CDH23: variants seen among roughly 807,000 people sequenced by gnomAD.
CDH23 encodes the protein cadherin related 23.
Under a neutral mutation model 317.1 loss-of-function variants are expected in CDH23, and 189 were observed. That is an observed-to-expected ratio of 0.60 (90% CI 0.53 to 0.67). The LOEUF (loss-of-function observed/expected upper bound fraction) is 0.67. Ranked by LOEUF, CDH23 falls within the 30% of genes least tolerant of loss-of-function variation. The pLI, the probability that CDH23 is intolerant of heterozygous loss-of-function variation, is 0.00. For synonymous variants in CDH23, 1,839 were observed against 1,876.8 expected (o/e 0.98, Z 0.52); for missense variants, 4,401 against 4,592.4 (o/e 0.96, Z 1.20).
At chr10:71,786,705 C>T (rs572711735) in intron 44 of CDH23, among the ~76,000 whole-genome samples, 2 of 152,106 alleles carry the variant, frequency 1.3e-5, no homozygotes, top group East Asian at 1.9e-4. Context: ...ACCATGTTGG[C>T]GAGGCTTGTC....
chr10:71,427,195 G>GAGAAAGA, intron 1 of CDH23, among the ~76,000 whole-genome samples: 1 of 98,934 alleles, frequency 1.0e-5, no homozygotes, highest in Admixed American at 1.2e-4. Context: ...AGGAAGGAAA[G>GAGAAAGA]AGAAAGAAAG....
At chr10:71,792,820 T>TAAAA (rs1158593304) in intron 47 of CDH23, among the ~76,000 whole-genome samples, 20 of 47,902 alleles carry the variant, frequency 4.2e-4, no homozygotes, top group East Asian at 7.6e-4. Context: ...AGACTCCATC[T>TAAAA]AAAAAAAAAA....
chr10:71,417,776 A>G (rs1166935327), intron 1 of CDH23, among the ~76,000 whole-genome samples: 1 of 152,130 alleles, frequency 6.6e-6, no homozygotes, highest in African/African-American at 2.4e-5. Context: ...TGCCTGGCTA[A>G]TTTTTGTATG....
chr10:71,569,091 G>A (rs1021748784), intron 7 of CDH23, among the ~76,000 whole-genome samples: 1 of 152,190 alleles, frequency 6.6e-6, no homozygotes, highest in Non-Finnish European at 1.5e-5. Flanking sequence ...TCCCTAGCTG[G>A]GAGCTCTCCC....
intron 9 of CDH23, among the ~76,000 whole-genome samples, chr10:71,607,795 A>G (rs1860620682): frequency 6.6e-6 from 1 of 152,160 alleles, no homozygotes; most frequent in African/African-American, 2.4e-5. Flanking sequence ...CCCAGCTACT[A>G]GGGAGGCTGA....
intron 38 of CDH23, among the ~76,000 whole-genome samples, chr10:71,758,814 C>T (rs1840214732): frequency 6.6e-6 from 1 of 152,172 alleles, no homozygotes; most frequent in Non-Finnish European, 1.5e-5. Flanking sequence ...ATCAATTGAG[C>T]CCAGGAGTTC....
rs1388159172 is a variant in CDH23 at position 71,459,750 on chromosome 10, C to A, written c.145+13355C>A. Among the ~76,000 whole-genome samples, 5 of 152,194 alleles carry A rather than the reference C, an allele frequency of 3.3e-5. No homozygotes were observed. The East Asian group carries it at 9.6e-4, about 29-fold the overall frequency. On this transcript the variant is annotated intron_variant, in intron 3 of 69. Transcript: ENST00000224721. ...TCTACCTCTCAGCAGGCAGTGAGCACCACCTGCTACTAGCAGGCTGACTGC... is the reference window on the plus strand; with the variant it reads ...TCTACCTCTCAGCAGGCAGTGAGCAACACCTGCTACTAGCAGGCTGACTGC...
At chr10:71,777,376 A>T (rs554061766) in intron 38 of CDH23, among the ~76,000 whole-genome samples, 41 of 152,326 alleles carry the variant, frequency 2.7e-4, no homozygotes, top group African/African-American at 9.1e-4. Context: ...TGTGCTAACA[A>T]GGATCCCAAG....
In CDH23 at chr10:71,734,272, T is replaced by A. The variant is rs1276222917; in HGVS notation, c.4137T>A (p.Arg1379=). The A allele has an allele frequency of 1.9e-6, 3 of 1,612,158 alleles. No individual in the cohort carries two copies. The highest frequency in any genetic ancestry group is 2.5e-6 in the Non-Finnish European group (3 of 1,179,240). ...TCACAGTCCAGGGCCTGGTGGACCG[T>A]GAGAAGGGCGACTTCTATACCTTGA... The part of the protein sequence containing the change: ...GVITVQGLVD[R]EKGDFYTLTV... The change falls in exon 33 of 70, where the codon CGT becomes CGA. Residue 1379 remains arginine (R), a synonymous_variant. Transcript: ENST00000224721.
chr10:71,701,922 C>T (rs1865601798), intron 22 of CDH23, 100 bp from the exon 23 acceptor site: 2 of 1,290,334 alleles, frequency 1.5e-6, no homozygotes, highest in South Asian at 1.3e-5. Context: ...CAGGATGTCC[C>T]CTCCCCAGGA....
intron 3 of CDH23, 196 bp from the exon 4 acceptor site, chr10:71,509,886 A>G: frequency 1.7e-6 from 1 of 605,178 alleles, no homozygotes; most frequent in South Asian, 1.9e-5. Context: ...ACACACTGTG[A>G]CAAGTGGACC....
chr10:71,722,655 T>C (rs1195443614), intron 28 of CDH23, among the ~76,000 whole-genome samples: 2 of 151,992 alleles, frequency 1.3e-5, no homozygotes, highest in Non-Finnish European at 2.9e-5. Flanking sequence ...GCCAGGACAT[T>C]GGAGTGGGGG....
In CDH23 at chr10:71,439,881, T is replaced by A; in HGVS notation, c.50T>A (p.Leu17Gln). Reference protein sequence around the residue: ...TSCHVAWLLVLISGCWGQVNR... With the variant: ...TSCHVAWLLVQISGCWGQVNR... ...TGCCACGTGGCCTGGCTTTTGGTGC[T>A]GATCTCTGGATGCTGGGGTAAGTCC... Residue 17 changes from leucine to glutamine, a missense_variant, in exon 2 of 70, where the codon CTG (leucine) becomes CAG (glutamine). This residue lies in a region of CDH23 where 3,068 missense variants were observed against 3,203.3 expected (regional missense o/e 0.96). Coordinates refer to ENST00000224721, the MANE Select transcript of CDH23 (RefSeq NM_022124.6). 6.3e-7 allele frequency: 1 copy of A among 1,575,552 alleles called. No homozygotes were observed. The highest frequency in any genetic ancestry group is 8.6e-7 in the Non-Finnish European group (1 of 1,159,422).
rs778251205 is a variant in CDH23, at chr10:71,617,296, C to T, written c.1037C>T (p.Pro346Leu). Residue 346 changes from proline (P) to leucine (L), a missense_variant, in exon 11 of 70, where the codon CCG (proline) becomes CTG (leucine). Physicochemically the swap from Pro to Leu is moderately conservative, Grantham distance 98. This residue lies in a region of CDH23 where 3,068 missense variants were observed against 3,203.3 expected (regional missense o/e 0.96). Transcript: ENST00000224721. Reference sequence around the variant, plus strand: ...GTTATTGACATCAATGACAATGCCCCGGAGTTCAACAGCTCCGAGTACAGC... The same window carrying T: ...GTTATTGACATCAATGACAATGCCCTGGAGTTCAACAGCTCCGAGTACAGC... The part of the protein sequence containing the change: ...ILVIDINDNA[P>L]EFNSSEYSVA... The T allele has an allele frequency of 1.4e-5, 22 of 1,613,866 alleles. No homozygotes were observed. Among genetic ancestry groups the T allele is most frequent in the African/African-American group, 4.0e-5 (3 of 74,908 alleles).
chr10:71,782,236 C>A (rs912723591), intron 41 of CDH23, among the ~76,000 whole-genome samples: 3 of 152,216 alleles, frequency 2.0e-5, no homozygotes, highest in African/African-American at 7.2e-5. Flanking sequence ...TCTCAGCTGC[C>A]CTTTCTGGTC....
At chr10:71,460,507 A>T (rs1850925829) in intron 3 of CDH23, among the ~76,000 whole-genome samples, 1 of 152,240 alleles carries the variant, frequency 6.6e-6, no homozygotes, top group African/African-American at 2.4e-5. Flanking sequence ...CTGGAGTGAG[A>T]TGGAGAGATT....
At chr10:71,429,029 G>A (rs73281877) in intron 1 of CDH23, among the ~76,000 whole-genome samples, 2,452 of 152,176 alleles carry the variant, frequency 0.016, 76 homozygotes, top group African/African-American at 0.056. Context: ...TGTAGGTTGC[G>A]TTTTTACTCT....
chr10:71,648,651 G>A (rs1290422063), intron 14 of CDH23, among the ~76,000 whole-genome samples: 3 of 152,250 alleles, frequency 2.0e-5, no homozygotes, highest in Non-Finnish European at 4.4e-5. Context: ...GCCCAGTCCA[G>A]TTTGGGGCTG....
chr10:71,785,003 A>G lies in CDH23; in HGVS notation c.5615A>G (p.His1872Arg), dbSNP rs765660956. Residue 1872 changes from histidine to arginine, a missense_variant, in exon 43 of 70, where the codon CAT (histidine) becomes CGT (arginine). His to Arg is a conservative substitution (Grantham distance 29). Transcript: ENST00000224721. ...ENSPVSSFVA[H>R]VLASDADSGC... is the part of the protein sequence containing the mutation. Reference sequence around the variant, plus strand: ...AGCCCTGTCTCCAGCTTTGTCGCCCATGTCCTGGCCAGTGACGCTGACAGT... The same window carrying G: ...AGCCCTGTCTCCAGCTTTGTCGCCCGTGTCCTGGCCAGTGACGCTGACAGT... The G allele has an allele frequency of 2.9e-5, 47 of 1,614,052 alleles. No individual in the cohort carries two copies. Among genetic ancestry groups the G allele is most frequent in the Non-Finnish European group, 3.9e-5 (46 of 1,179,888 alleles).
Sources: gnomAD v4.1 joint callset for allele counts (sites outside exome capture counted in the v4.1 genomes callset) on GRCh38, gnomAD v4.1.1 for gene constraint, gnomAD v4.1.1 regional missense constraint, MANE v1.5 for transcripts, NCBI Gene and HGNC (gene_info 2026-07-23, HGNC 2026-07-21) for gene names.